The following CTH variants were observed in gnomAD, a reference collection of about 807,000 sequenced individuals.
The protein encoded by CTH is cystathionase (cystathionine gamma-lyase).
CTH carries 41 observed loss-of-function variants against 50.6 expected under a neutral mutation model. The observed-to-expected ratio is 0.81, with a 90% confidence interval of 0.63 to 1.05. CTH has a LOEUF of 1.05. Ranked by LOEUF, CTH falls within the 50% of genes least tolerant of loss-of-function variation. The pLI is 0.00. For synonymous variants in CTH, 156 were observed against 168.9 expected (o/e 0.92, Z 0.59); for missense variants, 470 against 492.6 (o/e 0.95, Z 0.43).
chr1:70,419,982 AGGGACCGGCGT>A (rs1475550690), intron 3 of CTH, among the ~76,000 whole-genome samples: 1 of 151,016 alleles, frequency 6.6e-6, no homozygotes, highest in African/African-American at 2.4e-5. Flanking sequence ...TTTTGGCACC[AGGGACCGGCGT>A]GTTTTTTTTT....
intron 3 of CTH, among the ~76,000 whole-genome samples, chr1:70,418,303 G>A (rs1684138280): frequency 6.6e-6 from 1 of 152,126 alleles, no homozygotes; most frequent in Non-Finnish European, 1.5e-5. Context: ...GGGTTGGAGT[G>A]GAGTGGTACG....
At chr1:70,422,752 C>T (rs1237872618) in intron 4 of CTH, among the ~76,000 whole-genome samples, 1 of 151,884 alleles carries the variant, frequency 6.6e-6, no homozygotes, top group East Asian at 1.9e-4. Context: ...GCTGGGATTA[C>T]AGGCGCCCAT....
In CTH at chr1:70,424,346, C is replaced by T. The variant is rs750729224; in HGVS notation, c.518C>T (p.Ala173Val). The T allele has an allele frequency of 6.2e-7, 1 of 1,614,134 alleles. No individual in the cohort carries two copies. The highest frequency in any genetic ancestry group is 1.1e-5 in the South Asian group (1 of 91,076). ...TQKVIDIEGC[A>V]HIVHKHGDII... ...AAGGTGATTGACATTGAAGGCTGTGCACATATTGTCCATAAGCATGGAGAC... is the reference window on the plus strand; with the variant it reads ...AAGGTGATTGACATTGAAGGCTGTGTACATATTGTCCATAAGCATGGAGAC... The change falls in exon 5 of 12, where the codon GCA becomes GTA. Residue 173 changes from alanine to valine, a missense_variant. By Grantham distance (64) the Ala-to-Val change is moderately conservative (BLOSUM62 0). Coordinates refer to ENST00000370938, the MANE Select transcript of CTH (RefSeq NM_001902.6).
intron 11 of CTH, 91 bp from the exon 12 acceptor site, chr1:70,439,010 A>T: frequency 1.3e-6 from 2 of 1,520,970 alleles, no homozygotes; most frequent in East Asian, 4.5e-5. Flanking sequence ...TATTTAAAGG[A>T]TGGTAGTATT....
At chr1:70,426,123 T>G (rs1174650705) in intron 5 of CTH, among the ~76,000 whole-genome samples, 1 of 152,172 alleles carries the variant, frequency 6.6e-6, no homozygotes, top group Admixed American at 6.5e-5. Flanking sequence ...CATCTATCCT[T>G]TCCTTTTTTC....
chr1:70,432,064 G>T lies in CTH; in HGVS notation c.725-19G>T. 6.2e-7 allele frequency: 1 copy of T among 1,613,682 alleles called. No homozygotes were observed. Among genetic ancestry groups the T allele is most frequent in the Non-Finnish European group, 8.5e-7 (1 of 1,179,950 alleles). On this transcript the variant is annotated intron_variant, in intron 7 of 11. Coordinates refer to ENST00000370938, the MANE Select transcript of CTH (RefSeq NM_001902.6). ...CATACCCTGCCTTCAAACTTATCCAGGATGTGTTCATTTTGCAGCTCTTGG... is the reference window on the plus strand; with the variant it reads ...CATACCCTGCCTTCAAACTTATCCATGATGTGTTCATTTTGCAGCTCTTGG...
chr1:70,435,971 T>C (rs1684588899), intron 10 of CTH, among the ~76,000 whole-genome samples: 1 of 152,148 alleles, frequency 6.6e-6, no homozygotes, highest in Non-Finnish European at 1.5e-5. Flanking sequence ...TTCCACCAAT[T>C]AGTTAACCTT....
At chr1:70,413,867 G>A (rs1291816779) in intron 1 of CTH, among the ~76,000 whole-genome samples, 2 of 148,380 alleles carry the variant, frequency 1.3e-5, no homozygotes, top group East Asian at 2.1e-4. Context: ...TCAGCTTCCC[G>A]AGTAGCTGAG....
intron 9 of CTH, among the ~76,000 whole-genome samples, chr1:70,434,434 C>T (rs1212131244): frequency 6.6e-6 from 1 of 152,170 alleles, no homozygotes; most frequent in Non-Finnish European, 1.5e-5. Flanking sequence ...CTGGGCTTAA[C>T]CTTGAGCTCA....
At chr1:70,420,285 G>A (rs1418632508) in intron 3 of CTH, among the ~76,000 whole-genome samples, 1 of 152,118 alleles carries the variant, frequency 6.6e-6, no homozygotes, top group Non-Finnish European at 1.5e-5. Context: ...AGTCACTCGT[G>A]CCCGGCCTCA....
rs566669982 is a variant in CTH, at chr1:70,428,233, G to A, written c.589-1561G>A. Among the ~76,000 whole-genome samples, 26 of 152,280 alleles carry A rather than the reference G, an allele frequency of 1.7e-4. 1 individual carries two copies. Among genetic ancestry groups the A allele is most frequent in the Middle Eastern group, 3.4e-3 (1 of 294 alleles). ...AGCGGTTACTAGAGTCTGGGGAAGG[G>A]AGGGTGGAGGTGGGGAGGACAGAGG... On this transcript the variant is annotated intron_variant, in intron 5 of 11. Coordinates refer to ENST00000370938, the MANE Select transcript of CTH (RefSeq NM_001902.6).
chr1:70,433,762 A>C, intron 8 of CTH, 66 bp from the exon 9 acceptor site: 1 of 1,598,212 alleles, frequency 6.3e-7, no homozygotes, highest in Non-Finnish European at 8.5e-7. Flanking sequence ...GAAAAATACC[A>C]CCCTCCCCCC....
chr1:70,435,170 G>C lies in CTH; in HGVS notation c.1045G>C (p.Glu349Gln), dbSNP rs1557474143. ...ESLGGFESLA[E>Q]LPAIMTHASV... ...CTTGGGAGGATTCGAAAGCCTTGCT[G>C]AGCTTCCGTAAGTATAGTTCTGTTT... is the stretch of plus-strand genomic sequence containing the variant. Residue 349 changes from glutamate (E) to glutamine (Q), a missense_variant, in exon 10 of 12, where the codon GAG becomes CAG. Physicochemically the swap from Glu to Gln is conservative, Grantham distance 29 (BLOSUM62 2). Coordinates refer to ENST00000370938, the MANE Select transcript of CTH (RefSeq NM_001902.6). 1 of 1,612,962 alleles carries C rather than the reference G, an allele frequency of 6.2e-7. No homozygotes were observed. The highest frequency in any genetic ancestry group is 1.1e-5 in the South Asian group (1 of 90,974).
chr1:70,424,946 G>C (rs558628454), intron 5 of CTH, among the ~76,000 whole-genome samples: 11 of 151,898 alleles, frequency 7.2e-5, no homozygotes, highest in Non-Finnish European at 1.6e-4. Flanking sequence ...AAAAGCTTAC[G>C]AGTTCTCTTA....
At chr1:70,432,442 T>A (rs1192355140) in intron 8 of CTH, among the ~76,000 whole-genome samples, 2 of 152,206 alleles carry the variant, frequency 1.3e-5, no homozygotes, top group African/African-American at 4.8e-5. Flanking sequence ...TGCCTCTAGT[T>A]TAGTGGATGC....
chr1:70,420,888 A>G (rs1684205038), intron 3 of CTH, among the ~76,000 whole-genome samples: 1 of 152,164 alleles, frequency 6.6e-6, no homozygotes, highest in Non-Finnish European at 1.5e-5. Flanking sequence ...GGGTCAGTCT[A>G]CATACCATCA....
intron 1 of CTH, among the ~76,000 whole-genome samples, chr1:70,414,981 A>C (rs1684059141): frequency 6.6e-6 from 1 of 152,090 alleles, no homozygotes. Context: ...ATTTTTAAAA[A>C]GTATTGTGTG....
intron 5 of CTH, among the ~76,000 whole-genome samples, chr1:70,424,821 C>T (rs909069018): frequency 6.6e-5 from 10 of 151,902 alleles, no homozygotes; most frequent in Non-Finnish European, 7.4e-5. Context: ...CCCAGCTACT[C>T]GGGAGGCTGA....
chr1:70,418,611 C>T (rs1460602333), intron 3 of CTH, among the ~76,000 whole-genome samples: 2 of 152,200 alleles, frequency 1.3e-5, no homozygotes, highest in East Asian at 3.9e-4. Flanking sequence ...ACTTGATCAA[C>T]TTGCAGACAT....
Sources: allele counts gnomAD v4.1 joint callset (sites outside exome capture counted in the v4.1 genomes callset), GRCh38; gene constraint gnomAD v4.1.1; transcripts MANE v1.5; gene names NCBI Gene and HGNC (gene_info 2026-07-23, HGNC 2026-07-21).